The following LOXHD1 variants were observed in gnomAD, a reference collection of about 807,000 sequenced individuals.
LOXHD1 encodes lipoxygenase homology domain-containing protein 1.
In LOXHD1, 205 loss-of-function variants were observed where a neutral mutation model predicts 248.2. That is an observed-to-expected ratio of 0.83 (90% CI 0.74 to 0.93). LOXHD1 has a LOEUF of 0.93. LOXHD1 is among the 40% of genes least tolerant of loss of function. LOXHD1 has a pLI of 0.00. For synonymous variants in LOXHD1, 1,113 were observed against 1,162.8 expected (o/e 0.96, Z 0.87); for missense variants, 2,930 against 2,971.6 (o/e 0.99, Z 0.33).
chr18:46,541,727 G>A, intron 25 of LOXHD1, 49 bp downstream of exon 25: 1 of 1,545,488 alleles, frequency 6.5e-7, no homozygotes, highest in Non-Finnish European at 8.8e-7. Flanking sequence ...TGGGGTAGCT[G>A]GTGATGGGGC....
rs116258838 is a variant in LOXHD1, at chr18:46,628,712, A to T, written c.512-10422T>A. 5.5e-3 allele frequency among the ~76,000 whole-genome samples: 837 copies of T among 152,292 alleles called. 12 individuals are homozygous for T. The highest frequency in any genetic ancestry group is 0.018 in the African/African-American group (748 of 41,568). ...GGATGTGGGGGAAGAAGAAAGGGAAACATCAGGAGCTTAACCACAAGGACA... is the reference window on the plus strand; with the variant it reads ...GGATGTGGGGGAAGAAGAAAGGGAATCATCAGGAGCTTAACCACAAGGACA... On this transcript the variant is annotated intron_variant, in intron 4 of 40. Coordinates refer to ENST00000642948, the MANE Select transcript of LOXHD1 (RefSeq NM_001384474.1).
chr18:46,616,324 T>C (rs2038586477), intron 5 of LOXHD1, among the ~76,000 whole-genome samples: 1 of 152,182 alleles, frequency 6.6e-6, no homozygotes, highest in Non-Finnish European at 1.5e-5. Context: ...AATTTTGATA[T>C]GCATACTTAT....
At chr18:46,583,607 A>T (rs534818549) in intron 12 of LOXHD1, among the ~76,000 whole-genome samples, 1 of 152,270 alleles carries the variant, frequency 6.6e-6, no homozygotes, top group South Asian at 2.1e-4. Flanking sequence ...ATCACTAATC[A>T]TCAGGGAAAT....
At chr18:46,609,602 T>C (rs1337750792) in intron 6 of LOXHD1, among the ~76,000 whole-genome samples, 1 of 152,248 alleles carries the variant, frequency 6.6e-6, no homozygotes, top group African/African-American at 2.4e-5. Flanking sequence ...CGTTGATGTC[T>C]TCATAACTGA....
chr18:46,651,508 A>T (rs1349459946), intron 1 of LOXHD1, among the ~76,000 whole-genome samples: 1 of 152,040 alleles, frequency 6.6e-6, no homozygotes, highest in East Asian at 1.9e-4. Context: ...GAGCCACACC[A>T]CATGAGAGAA....
In LOXHD1 at chr18:46,629,919, A is replaced by G. The variant is rs866332571; in HGVS notation, c.511+9697T>C. Among the ~76,000 whole-genome samples the G allele has an allele frequency of 9.9e-5, 15 of 152,070 alleles. No individual in the cohort carries two copies. The South Asian group carries it at 1.3e-3, about 13-fold the overall frequency. ...TGCATGCGCCCAGCCCACCTGCCCA[A>G]GTTGTTGTTTCTTCTTATGGCTTCC... On this transcript the variant is annotated intron_variant, in intron 4 of 40. Coordinates refer to ENST00000642948, the MANE Select transcript of LOXHD1 (RefSeq NM_001384474.1).
intron 37 of LOXHD1, among the ~76,000 whole-genome samples, chr18:46,492,317 G>A (rs2033543563): frequency 6.6e-6 from 1 of 152,186 alleles, no homozygotes. Flanking sequence ...CCAAGACTGG[G>A]TAATTTATAA....
Position 46,575,657 on chromosome 18 carries a change from TC to T in LOXHD1, c.1970+2049del, listed in dbSNP as rs2037839445. Among the ~76,000 whole-genome samples the T allele has an allele frequency of 2.0e-5, 3 of 152,084 alleles. No individual in the cohort carries two copies. The South Asian group carries it at 6.2e-4, about 32-fold the overall frequency. ...AGGACATAGGCCCGGGTCAGATCCT[TC>T]CCTAGCGCCTTCTGAGGGGTGCAGC... is the stretch of plus-strand genomic sequence containing the variant. On this transcript the variant is annotated intron_variant, in intron 14 of 40. Transcript: ENST00000642948.
At chr18:46,610,409 G>A (rs2038488800) in intron 6 of LOXHD1, among the ~76,000 whole-genome samples, 1 of 151,892 alleles carries the variant, frequency 6.6e-6, no homozygotes, top group African/African-American at 2.4e-5. Flanking sequence ...GGGGGCTGGG[G>A]GGCTGGGGGA....
intron 12 of LOXHD1, among the ~76,000 whole-genome samples, chr18:46,591,228 A>G (rs2144226515): frequency 6.6e-6 from 1 of 152,358 alleles, no homozygotes; most frequent in Non-Finnish European, 1.5e-5. Flanking sequence ...AAGGACTGCC[A>G]CAAGGATAGC....
At chr18:46,528,848 G>A (rs369733531) in intron 29 of LOXHD1, among the ~76,000 whole-genome samples, 20 of 152,240 alleles carry the variant, frequency 1.3e-4, no homozygotes, top group African/African-American at 4.6e-4. Flanking sequence ...TCACCTCCAC[G>A]TTCATGAACC....
At chr18:46,487,249 G>A (rs897854704) in intron 38 of LOXHD1, among the ~76,000 whole-genome samples, 20 of 152,296 alleles carry the variant, frequency 1.3e-4, no homozygotes, top group African/African-American at 4.3e-4. Context: ...CAAGACAGGA[G>A]AGGAGCGAAC....
At chr18:46,538,809 C>T (rs1193290668) in intron 25 of LOXHD1, among the ~76,000 whole-genome samples, 1 of 152,172 alleles carries the variant, frequency 6.6e-6, no homozygotes, top group African/African-American at 2.4e-5. Context: ...ACTGGATCGG[C>T]CAGTCTACGG....
chr18:46,633,747 T>A (rs1471337349), intron 4 of LOXHD1, among the ~76,000 whole-genome samples: 1 of 152,216 alleles, frequency 6.6e-6, no homozygotes, highest in Non-Finnish European at 1.5e-5. Context: ...ACCCAGAATA[T>A]GTAACAGAGG....
intron 6 of LOXHD1, 82 bp downstream of exon 6, chr18:46,610,694 G>A: frequency 7.0e-7 from 1 of 1,430,258 alleles, no homozygotes; most frequent in Non-Finnish European, 9.3e-7. Context: ...GAGGAAAGTT[G>A]GGACTGAGAT....
chr18:46,546,343 C>G, intron 22 of LOXHD1, among the ~76,000 whole-genome samples: 1 of 151,136 alleles, frequency 6.6e-6, no homozygotes, highest in Non-Finnish European at 1.5e-5. Context: ...CAATACATTT[C>G]ATTCCAATAC....
intron 10 of LOXHD1, among the ~76,000 whole-genome samples, chr18:46,592,888 T>A (rs2038197373): frequency 1.3e-5 from 2 of 152,100 alleles, no homozygotes; most frequent in Admixed American, 1.3e-4. Flanking sequence ...AAACTTCCAG[T>A]AACAAAATCT....
chr18:46,612,308 T>C (rs558452718), intron 5 of LOXHD1, among the ~76,000 whole-genome samples: 37 of 152,284 alleles, frequency 2.4e-4, no homozygotes, highest in African/African-American at 8.7e-4. Context: ...TGTTGCAAAA[T>C]TTACCTCCAA....
intron 38 of LOXHD1, among the ~76,000 whole-genome samples, chr18:46,487,112 A>G (rs1164150866): frequency 4.6e-5 from 7 of 152,178 alleles, no homozygotes; most frequent in Non-Finnish European, 1.0e-4. Context: ...ACACCCAAGG[A>G]CAAGCCCTAC....
Sources: allele counts gnomAD v4.1 joint callset (sites outside exome capture counted in the v4.1 genomes callset), GRCh38; gene constraint gnomAD v4.1.1; transcripts MANE v1.5; gene names NCBI Gene and HGNC (gene_info 2026-07-23, HGNC 2026-07-21).